RGPD2: variants seen among roughly 807,000 people sequenced by gnomAD.
RGPD2 encodes the protein RANBP2 like and GRIP domain containing 2.
In RGPD2, 2 loss-of-function variants were observed where a neutral mutation model predicts 36.0. That is an observed-to-expected ratio of 0.06 (90% confidence interval 0.02 to 0.17). The LOEUF (loss-of-function observed/expected upper bound fraction) is 0.17. Ranked by LOEUF, RGPD2 falls within the 10% of genes least tolerant of loss-of-function variation. The probability of loss-of-function intolerance (pLI) is 1.00; values close to 1 mark genes in which losing one functional copy is unlikely to be tolerated. For missense variants in RGPD2, 40 were observed against 464.3 expected (o/e 0.09, Z 8.40); for synonymous variants, 19 against 163.8 (o/e 0.12, Z 6.75).
At chr2:87,858,454 G>C in the RGPD2 span, among the ~76,000 whole-genome samples, 17 of 151,280 alleles carry the variant, frequency 1.1e-4, no homozygotes, top group South Asian at 6.3e-4. Flanking sequence ...TTTTTGGAGA[G>C]AGAGTCTCAC....
intron 22 of RGPD2, among the ~76,000 whole-genome samples, chr2:87,759,059 C>A (rs1385513446): frequency 1.4e-5 from 2 of 143,074 alleles, no homozygotes; most frequent in African/African-American, 5.0e-5. Context: ...TCTCATTGCC[C>A]AGGCTAGAGT....
At chr2:87,781,500 A>G (rs1226523150) in intron 20 of RGPD2, among the ~76,000 whole-genome samples, 1 of 143,094 alleles carries the variant, frequency 7.0e-6, no homozygotes. Flanking sequence ...AGTCTCACTC[A>G]GTCAGGCTGG....
chr2:87,964,615 C>T, the RGPD2 span, among the ~76,000 whole-genome samples: 1 of 151,622 alleles, frequency 6.6e-6, no homozygotes, highest in South Asian at 2.1e-4. Context: ...CTCACTGCAA[C>T]CTCCTGTGGC....
chr2:87,927,377 G>A, the RGPD2 span, among the ~76,000 whole-genome samples: 4 of 98,218 alleles, frequency 4.1e-5, no homozygotes, highest in Middle Eastern at 4.5e-3. Flanking sequence ...TTTCAAATGC[G>A]GAGGCTTACA....
chr2:87,941,141 G>T, the RGPD2 span, among the ~76,000 whole-genome samples: 1 of 151,198 alleles, frequency 6.6e-6, no homozygotes, highest in Admixed American at 6.6e-5. Flanking sequence ...AATGATACCG[G>T]AAAATTGGTT....
At chr2:87,857,390 T>G in the RGPD2 span, among the ~76,000 whole-genome samples, 1 of 151,962 alleles carries the variant, frequency 6.6e-6, no homozygotes, top group Non-Finnish European at 1.5e-5. Flanking sequence ...TTGCCCAGGC[T>G]GGGGTGCAGT....
chr2:87,927,062 G>A, the RGPD2 span, among the ~76,000 whole-genome samples: 3 of 115,074 alleles, frequency 2.6e-5, 1 homozygote, highest in Non-Finnish European at 5.4e-5. Context: ...TCTCTGAAGG[G>A]CAAGATTTCA....
At chr2:87,954,994 CT>C in the RGPD2 span, among the ~76,000 whole-genome samples, 232 of 19,194 alleles carry the variant, frequency 0.012, 2 homozygotes, top group African/African-American at 0.021. Context: ...CTGCTTGAAA[CT>C]TTTTTTTTTT....
At chr2:87,977,700 T>G in the RGPD2 span, among the ~76,000 whole-genome samples, 1 of 151,802 alleles carries the variant, frequency 6.6e-6, no homozygotes, top group South Asian at 2.1e-4. Context: ...ATTTAGAATC[T>G]CATTCTCATA....
At chr2:87,824,742 G>GGCCGCCGCCGCCGCCGCCGCCGCC (rs1329887497) in intron 1 of RGPD2, among the ~76,000 whole-genome samples, 1 of 87,702 alleles carries the variant, frequency 1.1e-5, no homozygotes, top group Non-Finnish European at 2.4e-5. Flanking sequence ...GCCAGGCCGA[G>GGCCGCCGCCGCCGCCGCCGCCGCC]GCCGCCGCCG....
At chr2:87,915,538 A>T in the RGPD2 span, among the ~76,000 whole-genome samples, 7 of 144,156 alleles carry the variant, frequency 4.9e-5, no homozygotes, top group South Asian at 1.5e-3. Context: ...ACATATATAC[A>T]CATATATATG....
At chr2:87,892,913 T>C in the RGPD2 span, among the ~76,000 whole-genome samples, 30,551 of 145,270 alleles carry the variant, frequency 0.21, 3,109 homozygotes, top group Non-Finnish European at 0.25. Flanking sequence ...GAGCAAGCAC[T>C]TTTAAGTTTT....
At chr2:87,807,386 T>G (rs1378020249) in intron 6 of RGPD2, among the ~76,000 whole-genome samples, 17 of 127,194 alleles carry the variant, frequency 1.3e-4, no homozygotes, top group African/African-American at 2.1e-4. Flanking sequence ...AATTGTTTTT[T>G]TTTTTTTTTT....
At chr2:87,969,481 A>AC in the RGPD2 span, among the ~76,000 whole-genome samples, 1 of 149,464 alleles carries the variant, frequency 6.7e-6, no homozygotes, top group African/African-American at 2.5e-5. Flanking sequence ...ACATGGTGAG[A>AC]CCCCGTCTCT....
At chr2:87,840,349 T>C in the RGPD2 span, among the ~76,000 whole-genome samples, 2 of 131,672 alleles carry the variant, frequency 1.5e-5, no homozygotes, top group Non-Finnish European at 3.2e-5. Context: ...TTGGAGGCAA[T>C]ATGGACTTGC....
the RGPD2 span, among the ~76,000 whole-genome samples, chr2:87,970,448 T>C: frequency 1.3e-5 from 2 of 152,072 alleles, no homozygotes; most frequent in Non-Finnish European, 2.9e-5. Context: ...ACAGCAATCA[T>C]AGAAACAATC....
At chr2:87,968,681 C>T in the RGPD2 span, 1,152 of 218,660 alleles carry the variant, frequency 5.3e-3, 28 homozygotes, top group African/African-American at 0.025. Context: ...GACATGTCTT[C>T]GGAAACCCAG....
the RGPD2 span, chr2:87,972,693 C>G: frequency 7.6e-6 from 12 of 1,579,408 alleles, no homozygotes; most frequent in Non-Finnish European, 1.0e-5. Flanking sequence ...AGCGAGGAGG[C>G]CTGGGGGGCA....
chr2:87,964,263 G>T, the RGPD2 span, among the ~76,000 whole-genome samples: 4 of 152,152 alleles, frequency 2.6e-5, no homozygotes, highest in African/African-American at 9.7e-5. Flanking sequence ...TTGTTCAGTG[G>T]TATAACATTT....
Sources: allele counts gnomAD v4.1 joint callset (sites outside exome capture counted in the v4.1 genomes callset), GRCh38; gene constraint gnomAD v4.1.1; transcripts MANE v1.5; gene names NCBI Gene and HGNC (gene_info 2026-07-23, HGNC 2026-07-21).